Variants in RARB observed in about 807,000 individuals in gnomAD.
RARB encodes retinoic acid receptor beta.
A neutral mutation model predicts 51.9 loss-of-function variants in RARB; 17 were observed. That is an observed-to-expected ratio of 0.33 (90% CI 0.22 to 0.49). RARB has a LOEUF of 0.49. Among genes scored for constraint, RARB ranks in the 20% least tolerant of loss-of-function variants. The pLI is 0.99. For missense variants in RARB, 369 were observed against 550.8 expected (o/e 0.67, Z 3.30); for synonymous variants, 215 against 195.4 (o/e 1.10, Z -0.84).
intron 5 of RARB, among the ~76,000 whole-genome samples, chr3:25,371,967 T>C (rs891351048): frequency 6.6e-6 from 1 of 152,108 alleles, no homozygotes; most frequent in African/African-American, 2.4e-5. Context: ...ATCGGGGTGA[T>C]GGGCATTTCA....
At chr3:25,067,151 G>A (rs1272353222) in intron 3 of RARB, among the ~76,000 whole-genome samples, 1 of 152,204 alleles carries the variant, frequency 6.6e-6, no homozygotes, top group East Asian at 1.9e-4. Context: ...GCACCTGGTT[G>A]TAGAGAGGGA....
chr3:25,354,303 G>T (rs1369994645), intron 5 of RARB, among the ~76,000 whole-genome samples: 1 of 152,026 alleles, frequency 6.6e-6, no homozygotes, highest in Non-Finnish European at 1.5e-5. Context: ...ACAGTAATCA[G>T]GAAAATCCTT....
intron 2 of RARB, among the ~76,000 whole-genome samples, chr3:25,059,330 T>C (rs1005454566): frequency 1.3e-5 from 2 of 151,752 alleles, no homozygotes; most frequent in South Asian, 2.1e-4. Context: ...AAAAGTAAAA[T>C]TGCTTTGTTA....
intron 1 of RARB, among the ~76,000 whole-genome samples, chr3:25,440,232 A>G (rs770599567): frequency 2.0e-5 from 3 of 152,086 alleles, no homozygotes; most frequent in Non-Finnish European, 4.4e-5. Flanking sequence ...CAGGCAGATC[A>G]CTTGAGCCTA....
chr3:25,167,944 T>A (rs1401605570), intron 4 of RARB, among the ~76,000 whole-genome samples: 1 of 152,222 alleles, frequency 6.6e-6, no homozygotes, highest in Admixed American at 6.5e-5. Context: ...AAAAAGCCCA[T>A]TAATCTGACA....
At position 25,173,581 on chromosome 3, in the gene RARB, A is replaced by G. The variant is rs575092403; in HGVS notation, c.-279-538A>G. ...TCCAAATAGCCACCGTAAAATCCAA[A>G]GTTACTCATATAAAAGAAGTAAAAT... On this transcript the variant is annotated intron_variant, in intron 4 of 11. Transcript: ENST00000383772. Among the ~76,000 whole-genome samples, 10 of 152,338 alleles carry G rather than the reference A, an allele frequency of 6.6e-5. No homozygotes were observed. The South Asian group carries it at 2.1e-3, about 32-fold the overall frequency.
At chr3:24,982,434 C>T (rs1038254690) in intron 2 of RARB, among the ~76,000 whole-genome samples, 4 of 152,150 alleles carry the variant, frequency 2.6e-5, no homozygotes, top group Non-Finnish European at 4.4e-5. Context: ...TTCAGACTGT[C>T]CTTTTGCCTT....
intron 5 of RARB, among the ~76,000 whole-genome samples, chr3:25,330,324 C>A (rs545138786): frequency 5.1e-4 from 78 of 152,304 alleles, no homozygotes; most frequent in Middle Eastern, 3.4e-3. Context: ...TCTCGGCAGA[C>A]ACTCTGCAAG....
At chr3:25,264,144 T>C (rs548664992) in intron 5 of RARB, among the ~76,000 whole-genome samples, 1 of 152,290 alleles carries the variant, frequency 6.6e-6, no homozygotes, top group South Asian at 2.1e-4. Context: ...GATTCTGTTT[T>C]ATCACAAACA....
Position 25,128,828 on chromosome 3 carries a change from T to C in RARB, c.-327-3333T>C, listed in dbSNP as rs73049923. ...TCGAGGAAATTTTAAGGAAGAGATA[T>C]AGAAAAAAAATCAAACATTGTAATA... On this transcript the variant is annotated intron_variant, in intron 3 of 11. Transcript: ENST00000383772. Among the ~76,000 whole-genome samples, 887 of 151,950 alleles carry C rather than the reference T, an allele frequency of 5.8e-3. 4 individuals carry two copies. The highest frequency in any genetic ancestry group is 0.02 in the Middle Eastern group (6 of 294).
intron 1 of RARB, among the ~76,000 whole-genome samples, chr3:25,450,894 G>A (rs1575415887): frequency 1.3e-5 from 2 of 152,204 alleles, no homozygotes; most frequent in African/African-American, 4.8e-5. Context: ...AGACGAGCCT[G>A]GCTAACATGG....
At chr3:25,052,608 G>GA (rs1353146923) in intron 2 of RARB, among the ~76,000 whole-genome samples, 1 of 152,140 alleles carries the variant, frequency 6.6e-6, no homozygotes, top group African/African-American at 2.4e-5. Context: ...ACTAAATGGA[G>GA]AACCACATAG....
chr3:24,948,694 C>A (rs968552176), intron 2 of RARB, among the ~76,000 whole-genome samples: 1 of 152,018 alleles, frequency 6.6e-6, no homozygotes, highest in Admixed American at 6.6e-5. Flanking sequence ...GGGATTGGAT[C>A]GTGGGGGCAG....
chr3:24,972,767 C>A lies in RARB; in HGVS notation c.-379-87358C>A, dbSNP rs558122830. On this transcript the variant is annotated intron_variant, in intron 2 of 11. Coordinates refer to the RARB transcript ENST00000383772. ...GTGATATTAAACATTTTTTCATATA[C>A]CCCGTGGCCATTTGTAAGTCTTCTT... 1.8e-4 allele frequency among the ~76,000 whole-genome samples: 28 copies of A among 151,912 alleles called. 1 individual carries two copies. The South Asian group carries it at 5.8e-3, about 32-fold the overall frequency.
At chr3:25,234,864 G>A (rs2125392508) in intron 5 of RARB, among the ~76,000 whole-genome samples, 1 of 152,190 alleles carries the variant, frequency 6.6e-6, no homozygotes, top group South Asian at 2.1e-4. Context: ...GGAGAGGCAG[G>A]TTTTTCTCTT....
chr3:25,079,836 T>C (rs1698956140), intron 3 of RARB, among the ~76,000 whole-genome samples: 1 of 152,224 alleles, frequency 6.6e-6, no homozygotes, highest in Non-Finnish European at 1.5e-5. Context: ...AAATTTTTCT[T>C]GTAAGCTTCT....
At chr3:25,005,020 A>G (rs932530577) in intron 2 of RARB, among the ~76,000 whole-genome samples, 3 of 152,110 alleles carry the variant, frequency 2.0e-5, no homozygotes, top group Admixed American at 1.3e-4. Context: ...CCCATACCCT[A>G]CATCAAATTT....
intron 5 of RARB, among the ~76,000 whole-genome samples, chr3:25,409,608 A>C (rs1707505349): frequency 6.6e-6 from 1 of 152,130 alleles, no homozygotes; most frequent in African/African-American, 2.4e-5. Flanking sequence ...ACTGTGTTTG[A>C]ATTTTCTGAA....
chr3:25,039,553 G>A (rs745550864), intron 2 of RARB, among the ~76,000 whole-genome samples: 5 of 152,058 alleles, frequency 3.3e-5, no homozygotes, highest in Non-Finnish European at 7.4e-5. Context: ...ATTCGAGTGG[G>A]GCATGGGCAT....
Sources: gnomAD v4.1 joint callset for allele counts (sites outside exome capture counted in the v4.1 genomes callset) on GRCh38, gnomAD v4.1.1 for gene constraint, MANE v1.5 for transcripts, NCBI Gene and HGNC (gene_info 2026-07-23, HGNC 2026-07-21) for gene names.